Variants in IGSF10 observed in about 807,000 individuals in gnomAD.
IGSF10 encodes calvaria mechanical force protein 608.
Under a neutral mutation model 128.2 loss-of-function variants are expected in IGSF10, and 126 were observed. The ratio of observed to expected loss-of-function variants is 0.98; its 90% confidence interval spans 0.85 to 1.14. The LOEUF (loss-of-function observed/expected upper bound fraction) is 1.14. IGSF10 is among the 50% of genes most tolerant of loss of function. IGSF10 has a pLI of 0.00. For missense variants in IGSF10, 3,295 were observed against 3,149.8 expected (o/e 1.05, Z -1.10); for synonymous variants, 1,185 against 1,146.2 (o/e 1.03, Z -0.68).
the IGSF10 span, among the ~76,000 whole-genome samples, chr3:151,517,678 A>C: frequency 3.3e-5 from 5 of 152,088 alleles, no homozygotes; most frequent in South Asian, 2.1e-4. Flanking sequence ...TCTGACCGAA[A>C]GGGAGGAATT....
the IGSF10 span, among the ~76,000 whole-genome samples, chr3:151,598,273 A>T: frequency 2.6e-5 from 4 of 152,186 alleles, no homozygotes; most frequent in Non-Finnish European, 5.9e-5. Context: ...GCAAATTCTC[A>T]TCAAGAAGAG....
At chr3:151,450,107 A>C (rs1721441978) in intron 5 of IGSF10, among the ~76,000 whole-genome samples, 2 of 152,336 alleles carry the variant, frequency 1.3e-5, no homozygotes, top group Non-Finnish European at 2.9e-5. Context: ...GTCTTACAGC[A>C]CTAGGACCAG....
the IGSF10 span, among the ~76,000 whole-genome samples, chr3:151,523,776 G>A: frequency 6.6e-6 from 1 of 152,076 alleles, no homozygotes; most frequent in African/African-American, 2.4e-5. Flanking sequence ...GACACCAAAA[G>A]CAATCGCAAC....
chr3:151,596,839 C>T, the IGSF10 span, among the ~76,000 whole-genome samples: 1 of 152,098 alleles, frequency 6.6e-6, no homozygotes, highest in East Asian at 1.9e-4. Flanking sequence ...ATATGCTAGC[C>T]AAAGTCGTGG....
At chr3:151,516,281 A>G in the IGSF10 span, among the ~76,000 whole-genome samples, 1 of 152,082 alleles carries the variant, frequency 6.6e-6, no homozygotes, top group Non-Finnish European at 1.5e-5. Flanking sequence ...TGACGTGAAC[A>G]GCTTTATCAC....
chr3:151,599,992 G>T, the IGSF10 span, among the ~76,000 whole-genome samples: 1 of 152,154 alleles, frequency 6.6e-6, no homozygotes, highest in Non-Finnish European at 1.5e-5. Flanking sequence ...GAGAATGCAG[G>T]AGTGTAATAA....
chr3:151,556,556 T>G, the IGSF10 span, among the ~76,000 whole-genome samples: 2 of 151,348 alleles, frequency 1.3e-5, no homozygotes, highest in South Asian at 4.2e-4. Flanking sequence ...GTTAAAGAAA[T>G]ACAGTAGAAG....
the IGSF10 span, among the ~76,000 whole-genome samples, chr3:151,530,408 A>G: frequency 1.3e-5 from 2 of 152,124 alleles, 1 homozygote; most frequent in South Asian, 4.1e-4. Context: ...AAGACACATA[A>G]TCATCAGATT....
the IGSF10 span, among the ~76,000 whole-genome samples, chr3:151,541,256 T>C: frequency 6.6e-6 from 1 of 152,210 alleles, no homozygotes; most frequent in African/African-American, 2.4e-5. Context: ...ACAAACTTCA[T>C]GGCAGAAAGT....
chr3:151,594,147 T>C, the IGSF10 span, among the ~76,000 whole-genome samples: 1 of 152,126 alleles, frequency 6.6e-6, no homozygotes, highest in Non-Finnish European at 1.5e-5. Context: ...TGACTCATCA[T>C]TAATAACACT....
chr3:151,559,320 G>C, the IGSF10 span, among the ~76,000 whole-genome samples: 1 of 152,090 alleles, frequency 6.6e-6, no homozygotes, highest in African/African-American at 2.4e-5. Context: ...TCAAGGTCTG[G>C]CTTCACATGC....
chr3:151,613,539 A>G, the IGSF10 span, among the ~76,000 whole-genome samples: 3 of 152,356 alleles, frequency 2.0e-5, no homozygotes, highest in East Asian at 5.8e-4. Context: ...CAACTATCTG[A>G]TCTTTGACAA....
the IGSF10 span, among the ~76,000 whole-genome samples, chr3:151,478,338 T>C: frequency 6.6e-6 from 1 of 152,224 alleles, no homozygotes; most frequent in South Asian, 2.1e-4. Context: ...GATCTAGCAC[T>C]TCTAATACAA....
chr3:151,517,170 T>G, the IGSF10 span, among the ~76,000 whole-genome samples: 1 of 151,796 alleles, frequency 6.6e-6, no homozygotes, highest in Non-Finnish European at 1.5e-5. Context: ...TTGTGAAAGT[T>G]ATGCCAAATA....
intron 5 of IGSF10, among the ~76,000 whole-genome samples, chr3:151,452,333 A>G (rs1721548353): frequency 6.6e-6 from 1 of 152,222 alleles, no homozygotes; most frequent in Non-Finnish European, 1.5e-5. Flanking sequence ...CCTAGGCTAT[A>G]TGGTAAAGCC....
chr3:151,541,615 C>T, the IGSF10 span, among the ~76,000 whole-genome samples: 1 of 151,428 alleles, frequency 6.6e-6, no homozygotes, highest in Admixed American at 6.6e-5. Context: ...AAATTGGCTT[C>T]TCTCTCTCTG....
At chr3:151,484,724 A>C in the IGSF10 span, among the ~76,000 whole-genome samples, 1 of 87,500 alleles carries the variant, frequency 1.1e-5, no homozygotes, top group Admixed American at 1.2e-4. Flanking sequence ...TAGAAGGAAA[A>C]CTGACAAAAA....
the IGSF10 span, among the ~76,000 whole-genome samples, chr3:151,488,279 T>A: frequency 6.7e-6 from 1 of 148,952 alleles, no homozygotes; most frequent in East Asian, 2.0e-4. Flanking sequence ...GTGAAGGACC[T>A]CTTCAAGGAG....
At chr3:151,552,512 G>T in the IGSF10 span, among the ~76,000 whole-genome samples, 24,447 of 151,954 alleles carry the variant, frequency 0.16, 2,058 homozygotes, top group Middle Eastern at 0.21. Flanking sequence ...GGAAGAGGGA[G>T]GGCATTAAGA....
Sources: gnomAD v4.1 joint callset for allele counts (sites outside exome capture counted in the v4.1 genomes callset) on GRCh38, gnomAD v4.1.1 for gene constraint, MANE v1.5 for transcripts, NCBI Gene and HGNC (gene_info 2026-07-23, HGNC 2026-07-21) for gene names.